Variants in PAPLN observed in about 807,000 individuals in gnomAD.
PAPLN encodes the protein papilin.
In PAPLN, 146 loss-of-function variants were observed where a neutral mutation model predicts 159.0. The ratio of observed to expected loss-of-function variants is 0.92; its 90% confidence interval spans 0.80 to 1.05. The LOEUF (loss-of-function observed/expected upper bound fraction) is 1.05, where lower values mean the gene tolerates loss of function less well. PAPLN is among the 50% of genes least tolerant of loss of function. The pLI, the probability that PAPLN is intolerant of heterozygous loss-of-function variation, is 0.00. For synonymous variants in PAPLN, 734 were observed against 702.9 expected (o/e 1.04, Z -0.70); for missense variants, 1,720 against 1,743.9 (o/e 0.99, Z 0.24).
chr14:73,241,230 C>T (rs78371326), intron 2 of PAPLN, among the ~76,000 whole-genome samples: 3,294 of 152,258 alleles, frequency 0.022, 100 homozygotes, highest in African/African-American at 0.058. Context: ...TCTCGACCAC[C>T]TGCCAGCTAC....
rs371287390 is a variant in PAPLN, at chr14:73,250,145, C to T, written c.465+31C>T. 118 of 1,577,828 alleles carry T rather than the reference C, an allele frequency of 7.5e-5. 1 individual carries two copies. The highest frequency in any genetic ancestry group is 4.7e-4 in the African/African-American group (35 of 74,304). On this transcript the variant is annotated intron_variant, in intron 6 of 26. Transcript: ENST00000644200. ...TGGTGCCCCAGCCCCTCCCTGCCTC[C>T]GGGCTGCCTGGGGGCTCAGTGCGGG...
At chr14:73,247,488 G>C (rs895641312) in intron 5 of PAPLN, among the ~76,000 whole-genome samples, 7 of 152,178 alleles carry the variant, frequency 4.6e-5, no homozygotes, top group Middle Eastern at 3.4e-3. Context: ...GTGGCTGTGG[G>C]CATGGCCCAG....
Position 73,245,705 on chromosome 14 carries a change from C to A in PAPLN, c.231+9C>A. 6.5e-7 allele frequency: 1 copy of A among 1,543,778 alleles called. No homozygotes were observed. The highest frequency in any genetic ancestry group is 1.2e-5 in the South Asian group (1 of 84,274). ...GCTCTTGTCGCACGGAGGTAAAGCT[C>A]ACGGGGCGCGGGCGAAGGCACCAGC... is the stretch of plus-strand genomic sequence containing the variant. On this transcript the variant is annotated intron_variant, in intron 4 of 26. Transcript: ENST00000644200. The surrounding 1 kb of genome is among the most constrained non-coding windows in gnomAD (Gnocchi z 4.2).
At chr14:73,249,817 C>G (rs977047251) in intron 5 of PAPLN, 167 bp from the exon 6 acceptor site, 8 of 609,460 alleles carry the variant, frequency 1.3e-5, no homozygotes, top group African/African-American at 1.2e-4. Context: ...GCAACAGATT[C>G]ATGGAGACGG....
At chr14:73,262,029 T>G in intron 18 of PAPLN, 1 of 319,400 alleles carries the variant, frequency 3.1e-6, no homozygotes. Flanking sequence ...TCACTTTGCA[T>G]GTGACTTCAG....
chr14:73,254,301 T>C lies in PAPLN; in HGVS notation c.1303-212T>C, dbSNP rs1885636063. Among the ~76,000 whole-genome samples, 3 of 152,102 alleles carry C rather than the reference T, an allele frequency of 2.0e-5. No homozygotes were observed. The South Asian group carries it at 6.2e-4, about 32-fold the overall frequency. On this transcript the variant is annotated intron_variant, in intron 12 of 26. Coordinates refer to ENST00000644200, the MANE Select transcript of PAPLN (RefSeq NM_001365906.3). The stretch of plus-strand genomic sequence containing the variant: ...ATTCAAGTTGCAAATGGATGGAAAA[T>C]ACAAATGGGTGACAACCTCAGTCTG...
At chr14:73,248,159 C>T (rs1395644763) in intron 5 of PAPLN, among the ~76,000 whole-genome samples, 4 of 128,920 alleles carry the variant, frequency 3.1e-5, no homozygotes, top group African/African-American at 1.3e-4. Context: ...CAGTGGGAGT[C>T]TCATATCCTC....
chr14:73,260,796 G>A lies in PAPLN; in HGVS notation c.2073G>A (p.Gly691=). 1 of 1,494,032 alleles carries A rather than the reference G, an allele frequency of 6.7e-7. No individual in the cohort carries two copies. Among genetic ancestry groups the A allele is most frequent in the South Asian group, 1.4e-5 (1 of 71,454 alleles). 92.5% of individuals were successfully genotyped at this position (1,494,032 alleles called of 1,614,324 possible). A position where few individuals can be genotyped will look rare whatever the true frequency, so the allele number is the denominator to read the frequency against. The change falls in exon 17 of 27, where the codon GGG becomes GGA. Residue 691 remains glycine, a synonymous_variant. Coordinates refer to ENST00000644200, the MANE Select transcript of PAPLN (RefSeq NM_001365906.3). ...CTKSYGGDST[G]GMPRSRAVAS... Reference sequence around the variant, plus strand: ...AGTCGTATGGTGGTGACAGCACCGGGGGCATGCCCAGGTCAAGGGCAGTGG... The same window carrying A: ...AGTCGTATGGTGGTGACAGCACCGGAGGCATGCCCAGGTCAAGGGCAGTGG...
At chr14:73,251,143 A>G (rs1885208889) in intron 7 of PAPLN, 113 bp downstream of exon 7, 1 of 1,490,476 alleles carries the variant, frequency 6.7e-7, no homozygotes, top group South Asian at 1.3e-5. Flanking sequence ...ATGGCACTGG[A>G]AGGCTCTGAT....
At chr14:73,253,261 G>C (rs761602032) in intron 11 of PAPLN, 2 of 1,355,148 alleles carry the variant, frequency 1.5e-6, no homozygotes, top group Non-Finnish European at 2.0e-6. Flanking sequence ...CGCAGGGCTG[G>C]TGCCACCCTG....
In PAPLN at chr14:73,251,065, C is replaced by CCCCTTCCTTGCCTGT. The variant is rs140622859; in HGVS notation, c.589+55_589+69dup. 168 of 1,591,058 alleles carry CCCCTTCCTTGCCTGT rather than the reference C, an allele frequency of 1.1e-4. 1 individual carries two copies. In the East Asian group the frequency reaches 1.2e-3, roughly 11 times the overall value. ...GTTCCGACAAGGGGCAGTTGCCTGC[C>CCCCTTCCTTGCCTGT]CCCTTCCTTGCCTGTCCCTTCCTTG... is the stretch of plus-strand genomic sequence containing the variant. On this transcript the variant is annotated intron_variant, in intron 7 of 26. Transcript: ENST00000644200.
chr14:73,264,364 CG>C, intron 21 of PAPLN, 29 bp downstream of exon 21: 2 of 1,599,164 alleles, frequency 1.3e-6, no homozygotes, highest in South Asian at 2.2e-5. Context: ...TCCACCAGTG[CG>C]TTCTCAGGGG....
chr14:73,252,588 A>G (rs549508170), intron 10 of PAPLN, 61 bp from the exon 11 acceptor site: 182 of 1,578,070 alleles, frequency 1.2e-4, no homozygotes, highest in African/African-American at 8.8e-4. Flanking sequence ...CGCCTGGCCC[A>G]GGGAACGCGC....
In PAPLN at chr14:73,253,829, C is replaced by T. The variant is rs757626784; in HGVS notation, c.1170C>T (p.Ile390=). Residue 390 remains isoleucine, a synonymous_variant, in exon 12 of 27, where the codon ATC becomes ATT. Transcript: ENST00000644200. ...CCCAGTCCCGCTCCGTGTACTGCAT[C>T]TCGTCTGACGGGGCCGGCATCCAGG... ...GGSQSRSVYC[I]SSDGAGIQEA... 4.3e-6 allele frequency: 7 copies of T among 1,613,620 alleles called. No homozygotes were observed. In the African/African-American group the frequency reaches 6.7e-5, roughly 15 times the overall value.
rs1885206111 is a variant in PAPLN, at chr14:73,251,118, G to A, written c.589+88G>A. ...TGTCCCTGCTCTGGCCTAGACTCCA[G>A]GCCAAGTGGCCCTCATGGCACTGGA... is the stretch of plus-strand genomic sequence containing the variant. On this transcript the variant is annotated intron_variant, in intron 7 of 26. Coordinates refer to ENST00000644200, the MANE Select transcript of PAPLN (RefSeq NM_001365906.3). 11 of 1,520,138 alleles carry A rather than the reference G, an allele frequency of 7.2e-6. No individual in the cohort carries two copies. The South Asian group carries it at 1.4e-4, about 20-fold the overall frequency. 94.2% of individuals were successfully genotyped at this position (1,520,138 alleles called of 1,614,324 possible). A position where few individuals can be genotyped will look rare whatever the true frequency, so the allele number is the denominator to read the frequency against.
chr14:73,265,345 A>G lies in PAPLN; in HGVS notation c.3126-25A>G. On this transcript the variant is annotated intron_variant, in intron 22 of 26. Coordinates refer to ENST00000644200, the MANE Select transcript of PAPLN (RefSeq NM_001365906.3). This position sits in a 1 kb window ranked among gnomAD's most constrained non-coding sequence, Gnocchi z 4.1. ...GCGGGGGCAACGGCAAGGGCCCCTC[A>G]TGCTGTGGGCTGCTTGTTTGGCAGG... 8 of 1,603,172 alleles carry G rather than the reference A, an allele frequency of 5.0e-6. No individual in the cohort carries two copies. The highest frequency in any genetic ancestry group is 5.1e-6 in the Non-Finnish European group (6 of 1,177,794).
intron 18 of PAPLN, chr14:73,262,137 G>A: frequency 1.9e-6 from 1 of 529,624 alleles, no homozygotes. Flanking sequence ...GGTGAAGGCT[G>A]CTGTGGCACC....
rs148526413 is a variant in PAPLN at position 73,254,615 on chromosome 14, C to T, written c.1405C>T (p.Pro469Ser). The T allele has an allele frequency of 8.7e-6, 14 of 1,614,030 alleles. 2 individuals are homozygous for T. The East Asian group carries it at 3.1e-4, about 36-fold the overall frequency. The change falls in exon 13 of 27, where the codon CCA becomes TCA. Residue 469 changes from proline to serine, a missense_variant. Coordinates refer to ENST00000644200, the MANE Select transcript of PAPLN (RefSeq NM_001365906.3). ...CGCAGCGTGCTCCTTGGAAGACCGG[C>T]CACCTCTGACTGAGCCCTGTGTGCA... Reference protein sequence around the residue: ...HTAACSLEDRPPLTEPCVHED... With the variant: ...HTAACSLEDRSPLTEPCVHED...
At chr14:73,266,064 C>T (rs1057358570) in intron 23 of PAPLN, among the ~76,000 whole-genome samples, 5 of 152,138 alleles carry the variant, frequency 3.3e-5, no homozygotes, top group African/African-American at 9.7e-5. Context: ...TTCGGCCAGT[C>T]GCAGTGGCTC....
Sources: gnomAD v4.1 joint callset for allele counts (sites outside exome capture counted in the v4.1 genomes callset) on GRCh38, gnomAD v4.1.1 for gene constraint, Gnocchi (gnomAD v3.1) non-coding constraint, MANE v1.5 for transcripts, NCBI Gene and HGNC (gene_info 2026-07-23, HGNC 2026-07-21) for gene names.